NLGN1: variants seen among roughly 807,000 people sequenced by gnomAD.
NLGN1 encodes the protein neuroligin 1, also known as neuroligin-1.
A neutral mutation model predicts 65.5 loss-of-function variants in NLGN1; 12 were observed. The ratio of observed to expected loss-of-function variants is 0.18; its 90% CI spans 0.12 to 0.30. The LOEUF is 0.30. NLGN1 is among the 10% of genes least tolerant of loss of function. The pLI is 1.00. For missense variants in NLGN1, 750 were observed against 1,007.1 expected (o/e 0.74, Z 3.46); for synonymous variants, 350 against 359.5 (o/e 0.97, Z 0.30).
intron 3 of NLGN1, among the ~76,000 whole-genome samples, chr3:173,744,547 G>A (rs1775081972): frequency 6.6e-6 from 1 of 152,132 alleles, no homozygotes; most frequent in South Asian, 2.1e-4. Flanking sequence ...GATCTGGAAA[G>A]ACTTCTGTGA....
intron 3 of NLGN1, among the ~76,000 whole-genome samples, chr3:173,705,959 T>C (rs1767985107): frequency 2.6e-5 from 4 of 152,184 alleles, no homozygotes; most frequent in South Asian, 2.1e-4. Flanking sequence ...TGAATAATTT[T>C]CCCCTTAAAT....
intron 4 of NLGN1, among the ~76,000 whole-genome samples, chr3:174,045,273 A>G (rs1733298228): frequency 6.6e-6 from 1 of 152,182 alleles, no homozygotes; most frequent in Admixed American, 6.5e-5. Flanking sequence ...GATGGAAGGA[A>G]GAAATAGGCC....
chr3:173,977,997 C>G (rs1017512048), intron 4 of NLGN1, among the ~76,000 whole-genome samples: 5 of 151,770 alleles, frequency 3.3e-5, no homozygotes, highest in Non-Finnish European at 7.4e-5. Flanking sequence ...TAGGGAGAGG[C>G]AAGGTAACAA....
intron 4 of NLGN1, among the ~76,000 whole-genome samples, chr3:173,983,564 C>T (rs1218462223): frequency 5.3e-5 from 8 of 152,156 alleles, no homozygotes; most frequent in Non-Finnish European, 1.0e-4. Flanking sequence ...GGAACCTAAC[C>T]TCAGTGCTTG....
At chr3:173,452,990 A>G (rs961390626) in intron 2 of NLGN1, among the ~76,000 whole-genome samples, 1 of 152,132 alleles carries the variant, frequency 6.6e-6, no homozygotes, top group African/African-American at 2.4e-5. Flanking sequence ...AACTTCAGTG[A>G]GTCTTAATCT....
chr3:173,806,144 A>T (rs1000735195), intron 3 of NLGN1, among the ~76,000 whole-genome samples: 16 of 152,148 alleles, frequency 1.1e-4, no homozygotes, highest in African/African-American at 3.9e-4. Context: ...ATAGTCTTTT[A>T]AAAAAGTTTG....
At chr3:173,742,862 A>T (rs1353624646) in intron 3 of NLGN1, among the ~76,000 whole-genome samples, 1 of 152,160 alleles carries the variant, frequency 6.6e-6, no homozygotes, top group African/African-American at 2.4e-5. Flanking sequence ...AGCAGAAAAT[A>T]CATTTCTTTC....
intron 3 of NLGN1, among the ~76,000 whole-genome samples, chr3:173,766,786 T>G (rs1778842775): frequency 6.6e-6 from 1 of 152,154 alleles, no homozygotes; most frequent in African/African-American, 2.4e-5. Flanking sequence ...TTGTTTTGCC[T>G]TTTTCGTTTT....
At chr3:173,601,762 C>A in intron 2 of NLGN1, among the ~76,000 whole-genome samples, 1 of 151,558 alleles carries the variant, frequency 6.6e-6, no homozygotes, top group African/African-American at 2.4e-5. Context: ...GTAAGAGAAA[C>A]CTATCACTAC....
At chr3:173,492,862 T>C (rs1729410085) in intron 2 of NLGN1, among the ~76,000 whole-genome samples, 1 of 151,790 alleles carries the variant, frequency 6.6e-6, no homozygotes, top group Admixed American at 6.6e-5. Context: ...CCCTATGCTT[T>C]AGGCTGAAAA....
At chr3:173,583,000 G>A (rs377002148) in intron 2 of NLGN1, among the ~76,000 whole-genome samples, 1 of 152,048 alleles carries the variant, frequency 6.6e-6, no homozygotes, top group East Asian at 1.9e-4. Flanking sequence ...TCTTCCCTCA[G>A]TGCTTTCTGA....
chr3:174,291,191 G>C (rs567006718), downstream of NLGN1, among the ~76,000 whole-genome samples: 4 of 150,310 alleles, frequency 2.7e-5, no homozygotes, highest in African/African-American at 9.7e-5. Flanking sequence ...GAGCTGAGGG[G>C]GAGAGGAAGG....
At chr3:173,461,250 T>C (rs1723326701) in intron 2 of NLGN1, among the ~76,000 whole-genome samples, 1 of 152,176 alleles carries the variant, frequency 6.6e-6, no homozygotes, top group Admixed American at 6.6e-5. Flanking sequence ...TTAGTGATTT[T>C]AGTGAGCACT....
chr3:173,594,116 C>G (rs576967797), intron 2 of NLGN1, among the ~76,000 whole-genome samples: 2 of 152,268 alleles, frequency 1.3e-5, no homozygotes, highest in Admixed American at 1.3e-4. Flanking sequence ...ATTTCAAAAC[C>G]AATCATGCCT....
chr3:173,600,303 A>G (rs909754797), intron 2 of NLGN1, among the ~76,000 whole-genome samples: 1 of 152,014 alleles, frequency 6.6e-6, no homozygotes, highest in Admixed American at 6.6e-5. Context: ...AACTACCATG[A>G]ATAACAAGGA....
At chr3:173,820,194 A>AGC (rs1719988413) in intron 4 of NLGN1, among the ~76,000 whole-genome samples, 1 of 151,494 alleles carries the variant, frequency 6.6e-6, no homozygotes, top group African/African-American at 2.4e-5. Flanking sequence ...AAAAAAAAAA[A>AGC]AAAAAAAAAC....
chr3:173,716,798 C>T (rs1039335021), intron 3 of NLGN1, among the ~76,000 whole-genome samples: 1 of 152,012 alleles, frequency 6.6e-6, no homozygotes, highest in African/African-American at 2.4e-5. Context: ...GGATTTTTCC[C>T]TTCTTGATAT....
At chr3:173,675,687 TG>T (rs1381751333) in intron 3 of NLGN1, among the ~76,000 whole-genome samples, 5 of 151,864 alleles carry the variant, frequency 3.3e-5, no homozygotes, top group Non-Finnish European at 7.4e-5. Context: ...GGAGTGAGTG[TG>T]GGTTGGGAAG....
At chr3:173,594,812 C>T (rs898162819) in intron 2 of NLGN1, among the ~76,000 whole-genome samples, 5 of 152,250 alleles carry the variant, frequency 3.3e-5, no homozygotes, top group African/African-American at 4.8e-5. Context: ...CACTTCTGTG[C>T]ACCCACAGGC....
Sources: gnomAD v4.1 joint callset for allele counts (sites outside exome capture counted in the v4.1 genomes callset) on GRCh38, gnomAD v4.1.1 for gene constraint, MANE v1.5 for transcripts, NCBI Gene and HGNC (gene_info 2026-07-23, HGNC 2026-07-21) for gene names.